CNIH3: variants seen among roughly 807,000 people sequenced by gnomAD.
CNIH3 encodes the protein protein cornichon homolog 3.
A neutral mutation model predicts 24.1 loss-of-function variants in CNIH3; 14 were observed. That is an observed-to-expected ratio of 0.58 (90% CI 0.38 to 0.91). The LOEUF is 0.91. Ranked by LOEUF, CNIH3 falls within the 40% of genes least tolerant of loss-of-function variation. The pLI is 0.00. For missense variants in CNIH3, 178 were observed against 196.8 expected (o/e 0.90, Z 0.57); for synonymous variants, 68 against 73.8 (o/e 0.92, Z 0.40).
chr1:224,506,283 G>GCACA lies in CNIH3; in HGVS notation n.204-9457_204-9456insACAC, dbSNP rs879719993. Among the ~76,000 whole-genome samples the GCACA allele has an allele frequency of 3.0e-3, 235 of 77,994 alleles. 3 individuals carry two copies. The East Asian group carries it at 0.058, about 19-fold the overall frequency. 51.2% of individuals were successfully genotyped at this position (77,994 alleles called of 152,430 possible). On this transcript the variant is annotated intron_variant and non_coding_transcript_variant, in intron 1 of 5. Transcript: ENST00000471578. ...TATGCACGCACACGCGCGCGCGCGCGCGCGCACACACACACACACACGGTC... is the reference window on the plus strand; with the variant it reads ...TATGCACGCACACGCGCGCGCGCGCGCACACGCGCACACACACACACACACGGTC...
chr1:224,610,869 T>C (rs571008958), intron 3 of CNIH3, among the ~76,000 whole-genome samples: 40 of 152,298 alleles, frequency 2.6e-4, no homozygotes, highest in East Asian at 1.2e-3. Flanking sequence ...CTTTCCCTGA[T>C]CATACTAACC....
At chr1:224,705,890 A>G (rs1572765831) in intron 3 of CNIH3, among the ~76,000 whole-genome samples, 1 of 95,838 alleles carries the variant, frequency 1.0e-5, no homozygotes, top group South Asian at 3.3e-4. Flanking sequence ...GAACCTACCC[A>G]TTCTTTAAGA....
In CNIH3 at chr1:224,739,483, C is replaced by G. The variant is rs1355238667; in HGVS notation, c.*127C>G. ...GTGAGAAATAGACCCGGCAGGCAGT[C>G]AGACTGAATGGGAGCTGGAATCACG... On this transcript the variant is annotated 3_prime_UTR_variant, in exon 6 of 6. Transcript: ENST00000272133. 8.5e-6 allele frequency: 13 copies of G among 1,524,880 alleles called. No homozygotes were observed. Among genetic ancestry groups the G allele is most frequent in the South Asian group, 1.3e-5 (1 of 78,428 alleles). 94.5% of individuals were successfully genotyped at this position (1,524,880 alleles called of 1,614,324 possible). A position where few individuals can be genotyped will look rare whatever the true frequency, so the allele number is the denominator to read the frequency against.
Position 224,703,278 on chromosome 1 carries a change from C to T in CNIH3, c.198+18435C>T, listed in dbSNP as rs141671381. 1.9e-3 allele frequency among the ~76,000 whole-genome samples: 290 copies of T among 152,232 alleles called. 1 individual carries two copies. The highest frequency in any genetic ancestry group is 6.2e-3 in the African/African-American group (258 of 41,540). On this transcript the variant is annotated intron_variant, in intron 3 of 5. Coordinates refer to ENST00000272133, the MANE Select transcript of CNIH3 (RefSeq NM_152495.2). This position sits in a 1 kb window ranked among gnomAD's most constrained non-coding sequence, Gnocchi z 4.2. ...GGCTGGCCAAGGTAGACGTGACCAC[C>T]GGACCAGCTGAGCCACGATGGGCAG...
chr1:224,527,705 A>G (rs1286867502), intron 2 of CNIH3, among the ~76,000 whole-genome samples: 1 of 152,184 alleles, frequency 6.6e-6, no homozygotes, highest in Non-Finnish European at 1.5e-5. Context: ...GGACTCATAT[A>G]TAGAGTTTGT....
intron 2 of CNIH3, among the ~76,000 whole-genome samples, chr1:224,531,973 C>A (rs1679088288): frequency 6.6e-6 from 1 of 152,072 alleles, no homozygotes; most frequent in Non-Finnish European, 1.5e-5. Flanking sequence ...ATAAAAAAGA[C>A]AAAGATTCCT....
chr1:224,613,410 T>C (rs1448653547), upstream of CNIH3, among the ~76,000 whole-genome samples: 8 of 152,350 alleles, frequency 5.3e-5, 1 homozygote. Flanking sequence ...ATTCAACTTC[T>C]ACAGCTGTCC....
chr1:224,683,132 T>C (rs988166296), intron 2 of CNIH3, among the ~76,000 whole-genome samples: 1 of 152,204 alleles, frequency 6.6e-6, no homozygotes, highest in Non-Finnish European at 1.5e-5. Context: ...GATTAAACAA[T>C]GGGTGAATAT....
At chr1:224,648,182 C>T (rs188993272) in intron 1 of CNIH3, among the ~76,000 whole-genome samples, 55 of 152,168 alleles carry the variant, frequency 3.6e-4, no homozygotes, top group Middle Eastern at 3.4e-3. Flanking sequence ...GACCCCGAGG[C>T]GGGTGGATCA....
At chr1:224,627,684 G>A (rs910346682) in intron 1 of CNIH3, among the ~76,000 whole-genome samples, 2 of 152,214 alleles carry the variant, frequency 1.3e-5, no homozygotes, top group East Asian at 1.9e-4. Flanking sequence ...CGCTCCTGCA[G>A]TCTGCTCTGT....
At chr1:224,629,780 C>T (rs762001500) in intron 1 of CNIH3, among the ~76,000 whole-genome samples, 2 of 152,064 alleles carry the variant, frequency 1.3e-5, no homozygotes, top group Admixed American at 1.3e-4. Context: ...TTTCTTGACC[C>T]TCTGGCCCCT....
chr1:224,687,287 A>T (rs1686708770), intron 3 of CNIH3, among the ~76,000 whole-genome samples: 1 of 152,228 alleles, frequency 6.6e-6, no homozygotes, highest in South Asian at 2.1e-4. Context: ...GCTGGAGTGC[A>T]GGGGTGCAAT....
chr1:224,681,131 C>T, intron 2 of CNIH3, 105 bp downstream of exon 2: 2 of 937,014 alleles, frequency 2.1e-6, no homozygotes, highest in Non-Finnish European at 1.7e-6. Flanking sequence ...AAAGAACATG[C>T]TCGCCCTCAC....
chr1:224,641,149 G>A (rs1291847985), intron 1 of CNIH3, among the ~76,000 whole-genome samples: 2 of 152,194 alleles, frequency 1.3e-5, no homozygotes, highest in African/African-American at 4.8e-5. Flanking sequence ...CAGGGGAGAT[G>A]CCTGGGCTAA....
At chr1:224,510,269 C>T (rs970466497) in intron 1 of CNIH3, among the ~76,000 whole-genome samples, 2 of 151,986 alleles carry the variant, frequency 1.3e-5, no homozygotes, top group African/African-American at 4.8e-5. Context: ...TGCCCCATTC[C>T]CCATGCAAAG....
intron 1 of CNIH3, among the ~76,000 whole-genome samples, chr1:224,452,850 G>A (rs972121849): frequency 8.6e-5 from 13 of 151,388 alleles, no homozygotes; most frequent in African/African-American, 3.2e-4. Context: ...GCCAGGTGCG[G>A]TGGCTCGTGC....
chr1:224,688,383 C>T (rs1686762081), intron 3 of CNIH3, among the ~76,000 whole-genome samples: 1 of 152,144 alleles, frequency 6.6e-6, no homozygotes, highest in Admixed American at 6.5e-5. Context: ...AGGTCTGTCT[C>T]CTCTCACTAG....
intron 3 of CNIH3, among the ~76,000 whole-genome samples, chr1:224,718,111 A>G (rs989699841): frequency 6.6e-6 from 1 of 152,220 alleles, no homozygotes; most frequent in East Asian, 1.9e-4. Context: ...TGTGGGAAAT[A>G]GACAATAAGC....
At chr1:224,577,443 C>A (rs994814129) in intron 4 of CNIH3, among the ~76,000 whole-genome samples, 14 of 151,814 alleles carry the variant, frequency 9.2e-5, no homozygotes, top group African/African-American at 3.4e-4. Context: ...TACTAATGCC[C>A]AACACGAAAA....
Sources: allele counts gnomAD v4.1 joint callset (sites outside exome capture counted in the v4.1 genomes callset), GRCh38; gene constraint gnomAD v4.1.1; non-coding constraint Gnocchi (gnomAD v3.1); transcripts MANE v1.5; gene names NCBI Gene and HGNC (gene_info 2026-07-23, HGNC 2026-07-21).